PARP8: variants seen among roughly 807,000 people sequenced by gnomAD.
PARP8 encodes poly(ADP-ribose) polymerase family member 8.
Under a neutral mutation model 124.1 loss-of-function variants are expected in PARP8, and 51 were observed. That is an observed-to-expected ratio of 0.41 (90% CI 0.33 to 0.52). PARP8 has a LOEUF of 0.52. PARP8 is among the 20% of genes least tolerant of loss of function. The pLI, the probability that PARP8 is intolerant of heterozygous loss-of-function variation, is 0.21. For synonymous variants in PARP8, 391 were observed against 361.5 expected, an observed-to-expected ratio of 1.08 and a Z score of -0.93; for missense variants, 860 against 1,018.9, an observed-to-expected ratio of 0.84 and a Z score of 2.12.
rs373324747 is a variant in PARP8, at chr5:50,829,948, A to G, written c.2220A>G (p.Ser740=). The G allele has an allele frequency of 3.9e-5, 62 of 1,608,202 alleles. No homozygotes were observed. Among genetic ancestry groups the G allele is most frequent in the East Asian group, 3.4e-4 (15 of 44,706 alleles). Residue 740 remains serine (S), a synonymous_variant, in exon 22 of 26, where the codon TCA becomes TCG. Coordinates refer to ENST00000281631, the MANE Select transcript of PARP8 (RefSeq NM_024615.4). The part of the protein sequence containing the change: ...GIYLSPMSSI[S]FGYSGMNKKQ... ...ATCTTAGTCCAATGTCAAGCATATC[A>G]TTTGGTTACTCAGGTAATTCCTGTA...
At chr5:50,683,676 A>G (rs1168828199) in intron 2 of PARP8, among the ~76,000 whole-genome samples, 3 of 152,160 alleles carry the variant, frequency 2.0e-5, no homozygotes, top group Non-Finnish European at 4.4e-5. Flanking sequence ...CTTCTACTGT[A>G]AGAGATATTC....
rs1022024269 is a variant in PARP8, at chr5:50,721,072, T to A, written c.147-29079T>A. The stretch of plus-strand genomic sequence containing the variant: ...GGAGAAGGTCATCTAATGATCCAAT[T>A]AAAATAATTGTTTTTTTTTTTTTTA... On this transcript the variant is annotated intron_variant, in intron 2 of 25. Coordinates refer to ENST00000281631, the MANE Select transcript of PARP8 (RefSeq NM_024615.4). Among the ~76,000 whole-genome samples the A allele has an allele frequency of 6.6e-5, 10 of 151,638 alleles. No homozygotes were observed. In the South Asian group the frequency reaches 8.3e-4, roughly 13 times the overall value.
At chr5:50,786,433 C>T (rs1462120566) in intron 9 of PARP8, among the ~76,000 whole-genome samples, 1 of 151,172 alleles carries the variant, frequency 6.6e-6, no homozygotes. Flanking sequence ...GGCATTATCA[C>T]AGCTCACTGC....
intron 7 of PARP8, among the ~76,000 whole-genome samples, chr5:50,776,049 A>G (rs1176759009): frequency 1.3e-5 from 2 of 152,038 alleles, no homozygotes; most frequent in African/African-American, 4.8e-5. Flanking sequence ...TTTGGCCTCT[A>G]TTGTGTTATG....
intron 2 of PARP8, among the ~76,000 whole-genome samples, chr5:50,713,981 T>C (rs1443274712): frequency 2.0e-5 from 3 of 152,126 alleles, no homozygotes; most frequent in Admixed American, 2.0e-4. Context: ...GATTCTGGTC[T>C]GGTTGAACCC....
rs1343002456 is a variant in PARP8, at chr5:50,686,881, G to C, written c.146+18756G>C. ...GGCTGCACACGGCATGGAGACCCTG[G>C]GCCTAGACCATGAAACCATTTTCTC... On this transcript the variant is annotated intron_variant, in intron 2 of 25. Transcript: ENST00000281631. 1.1e-4 allele frequency among the ~76,000 whole-genome samples: 17 copies of C among 152,118 alleles called. 1 individual carries two copies. Among genetic ancestry groups the C allele is most frequent in the Non-Finnish European group, 5.9e-5 (4 of 68,032 alleles).
At chr5:50,807,065 G>T (rs1488433778) in intron 14 of PARP8, among the ~76,000 whole-genome samples, 1 of 151,302 alleles carries the variant, frequency 6.6e-6, no homozygotes, top group African/African-American at 2.4e-5. Context: ...GCTTTCCAAA[G>T]TTAGACTGTC....
intron 9 of PARP8, among the ~76,000 whole-genome samples, chr5:50,787,793 T>G (rs1276432888): frequency 1.3e-5 from 2 of 151,464 alleles, no homozygotes; most frequent in Non-Finnish European, 2.9e-5. Context: ...ATATGTATTT[T>G]TATATATTTA....
intron 2 of PARP8, among the ~76,000 whole-genome samples, chr5:50,710,063 C>T (rs968552180): frequency 1.3e-5 from 2 of 150,816 alleles, no homozygotes; most frequent in Admixed American, 6.6e-5. Flanking sequence ...TGCTTAATGA[C>T]CCTTTAATAA....
intron 1 of PARP8, 87 bp from the exon 2 acceptor site, chr5:50,667,984 A>T (rs1216750574): frequency 6.2e-7 from 1 of 1,606,264 alleles, no homozygotes. Flanking sequence ...GCCTCCCCTG[A>T]CACCACCGAA....
chr5:50,753,192 C>T (rs944182435), intron 3 of PARP8, among the ~76,000 whole-genome samples: 1 of 151,780 alleles, frequency 6.6e-6, no homozygotes, highest in Admixed American at 6.6e-5. Flanking sequence ...CACAGGTTGG[C>T]TCTACTATAA....
chr5:50,686,376 C>T (rs946473686), intron 2 of PARP8, among the ~76,000 whole-genome samples: 1 of 152,232 alleles, frequency 6.6e-6, no homozygotes, highest in African/African-American at 2.4e-5. Flanking sequence ...TGGGCAGCTC[C>T]ACCCCTGTGA....
chr5:50,791,409 C>A (rs908230001), intron 10 of PARP8, among the ~76,000 whole-genome samples: 1 of 152,112 alleles, frequency 6.6e-6, no homozygotes, highest in East Asian at 1.9e-4. Context: ...GTGATAGAGT[C>A]AGAATTTGAC....
chr5:50,803,270 T>C (rs1743439908), intron 14 of PARP8, among the ~76,000 whole-genome samples: 1 of 152,208 alleles, frequency 6.6e-6, no homozygotes. Flanking sequence ...TTCTTTGTCT[T>C]TGGTTTTTGG....
chr5:50,696,378 G>A (rs1263521375), intron 2 of PARP8, among the ~76,000 whole-genome samples: 1 of 152,134 alleles, frequency 6.6e-6, no homozygotes, highest in Admixed American at 6.5e-5. Context: ...GGCCACCCAA[G>A]GTACCATAGT....
In PARP8 at chr5:50,829,960, A is replaced by G; in HGVS notation, c.2232A>G (p.Ser744=). The change falls in exon 22 of 26, where the codon TCA becomes TCG. Residue 744 remains serine (S), a splice_region_variant and synonymous_variant. Coordinates refer to ENST00000281631, the MANE Select transcript of PARP8 (RefSeq NM_024615.4). ...TGTCAAGCATATCATTTGGTTACTCAGGTAATTCCTGTATTTCATTTCTAA... is the reference window on the plus strand; with the variant it reads ...TGTCAAGCATATCATTTGGTTACTCGGGTAATTCCTGTATTTCATTTCTAA... ...SPMSSISFGY[S]GMNKKQKVSA... 6.2e-7 allele frequency: 1 copy of G among 1,604,938 alleles called. No homozygotes were observed.
At chr5:50,762,412 C>T (rs915062320) in intron 6 of PARP8, among the ~76,000 whole-genome samples, 16 of 152,034 alleles carry the variant, frequency 1.1e-4, no homozygotes, top group African/African-American at 3.9e-4. Context: ...AGCCTAGCCA[C>T]ATATATAAAA....
At chr5:50,758,370 G>C (rs1760189286) in intron 3 of PARP8, among the ~76,000 whole-genome samples, 1 of 152,148 alleles carries the variant, frequency 6.6e-6, no homozygotes, top group African/African-American at 2.4e-5. Flanking sequence ...CTCCCTGACT[G>C]TTAAAGCCTT....
In PARP8 at chr5:50,827,461, T is replaced by C. The variant is rs73102901; in HGVS notation, c.1978-483T>C. Among the ~76,000 whole-genome samples the C allele has an allele frequency of 1.1e-3, 174 of 152,298 alleles. 1 individual carries two copies. The highest frequency in any genetic ancestry group is 4.0e-3 in the African/African-American group (166 of 41,586). On this transcript the variant is annotated intron_variant, in intron 19 of 25. Transcript: ENST00000281631. ...CCAAGGAGGAGACTATATTTGAATG[T>C]AGGCAAAAATTCTCAATTTTATAAA...
Sources: allele counts gnomAD v4.1 joint callset (sites outside exome capture counted in the v4.1 genomes callset), GRCh38; gene constraint gnomAD v4.1.1; transcripts MANE v1.5; gene names NCBI Gene and HGNC (gene_info 2026-07-23, HGNC 2026-07-21).